Variants in CAPN8 observed in about 807,000 individuals in gnomAD.
CAPN8 encodes the protein calpain 8.
CAPN8 carries 87 observed loss-of-function variants against 80.9 expected under a neutral mutation model. The ratio of observed to expected loss-of-function variants is 1.07; its 90% CI spans 0.90 to 1.28. CAPN8 has a LOEUF of 1.28. Among genes scored for constraint, CAPN8 ranks in the 50% most tolerant of loss-of-function variants. The pLI is 0.00. For synonymous variants in CAPN8, 299 were observed against 273.8 expected, an observed-to-expected ratio of 1.09 and a Z score of -0.91; for missense variants, 757 against 702.0, an observed-to-expected ratio of 1.08 and a Z score of -0.89.
chr1:223,645,074 C>T (rs1658152293), intron 2 of CAPN8, among the ~76,000 whole-genome samples: 1 of 152,182 alleles, frequency 6.6e-6, no homozygotes, highest in African/African-American at 2.4e-5. Context: ...ACAGCGCAGC[C>T]TTCAGTCTGT....
intron 2 of CAPN8, among the ~76,000 whole-genome samples, chr1:223,646,501 C>T (rs1658196348): frequency 6.6e-6 from 1 of 152,206 alleles, no homozygotes; most frequent in African/African-American, 2.4e-5. Context: ...CGCCAGCCTG[C>T]CTCCACCTTT....
intron 1 of CAPN8, 74 bp downstream of exon 1, chr1:223,665,336 C>T (rs1417801686): frequency 4.9e-6 from 6 of 1,217,888 alleles, no homozygotes; most frequent in Non-Finnish European, 7.0e-6. Flanking sequence ...CTCAACTTCT[C>T]CCTCAGTTCC....
At chr1:223,657,518 G>A (rs1301441218) in intron 1 of CAPN8, among the ~76,000 whole-genome samples, 1 of 152,172 alleles carries the variant, frequency 6.6e-6, no homozygotes, top group Non-Finnish European at 1.5e-5. Context: ...TGTAATCCCA[G>A]CACTTTGAGA....
At chr1:223,643,816 C>T (rs187051339) in intron 2 of CAPN8, among the ~76,000 whole-genome samples, 1 of 152,180 alleles carries the variant, frequency 6.6e-6, no homozygotes, top group Non-Finnish European at 1.5e-5. Context: ...ATAATTCAGG[C>T]CCGGTGGGGG....
intron 1 of CAPN8, among the ~76,000 whole-genome samples, chr1:223,659,929 C>T (rs1182210364): frequency 6.6e-6 from 1 of 152,206 alleles, no homozygotes; most frequent in African/African-American, 2.4e-5. Flanking sequence ...CAGCTGTCCA[C>T]TTGTCCGTAT....
intron 13 of CAPN8, among the ~76,000 whole-genome samples, chr1:223,556,823 T>C (rs1185776616): frequency 6.6e-6 from 1 of 152,178 alleles, no homozygotes; most frequent in Non-Finnish European, 1.5e-5. Flanking sequence ...TACTCTACAC[T>C]GGCAAACCGC....
chr1:223,625,081 A>G (rs1034638209), intron 6 of CAPN8, among the ~76,000 whole-genome samples: 3 of 152,234 alleles, frequency 2.0e-5, no homozygotes, highest in Non-Finnish European at 2.9e-5. Flanking sequence ...CGACAGAGCG[A>G]GACTCCGTCT....
At chr1:223,658,670 G>A (rs1397215142) in intron 1 of CAPN8, among the ~76,000 whole-genome samples, 1 of 152,170 alleles carries the variant, frequency 6.6e-6, no homozygotes, top group Non-Finnish European at 1.5e-5. Context: ...GCCAGGCATG[G>A]TGGTGTGCAC....
At chr1:223,653,014 T>C (rs1658382094) in intron 2 of CAPN8, among the ~76,000 whole-genome samples, 2 of 151,934 alleles carry the variant, frequency 1.3e-5, no homozygotes. Flanking sequence ...ATTAAATACC[T>C]TTCCCAAAGT....
At position 223,553,843 on chromosome 1, in the gene CAPN8, A is replaced by G. The variant is rs1307928746; in HGVS notation, c.1630T>C (p.Leu544=). ...DDQFRRLFEK[L]AGKDSEITAN... ...CGCCCTCCACTCACCTTCCCTGCCA[A>G]CTTCTCAAACAGCCTCCTGAACTGG... Residue 544 remains leucine (L), a synonymous_variant, in exon 14 of 21, where the codon TTG becomes CTG. Coordinates refer to ENST00000366872, the MANE Select transcript of CAPN8 (RefSeq NM_001143962.2). 2 of 398,568 alleles carry G rather than the reference A, an allele frequency of 5.0e-6. No individual in the cohort carries two copies. Among genetic ancestry groups the G allele is most frequent in the African/African-American group, 2.1e-5 (1 of 48,622 alleles). The allele number at this position is 398,568 out of a possible 1,614,324, so 24.7% of individuals were successfully genotyped here.
At chr1:223,611,147 A>T (rs370843710) in intron 11 of CAPN8, among the ~76,000 whole-genome samples, 2 of 152,184 alleles carry the variant, frequency 1.3e-5, no homozygotes, top group African/African-American at 2.4e-5. Flanking sequence ...GGCATTTCTG[A>T]TGGGAACCAC....
chr1:223,648,583 G>T (rs148109819), intron 2 of CAPN8, among the ~76,000 whole-genome samples: 1 of 152,206 alleles, frequency 6.6e-6, no homozygotes, highest in Non-Finnish European at 1.5e-5. Flanking sequence ...CTCGCTCCAT[G>T]GGGGAGCGTG....
At chr1:223,542,624 T>G (rs112577902) in intron 20 of CAPN8, among the ~76,000 whole-genome samples, 1,875 of 152,310 alleles carry the variant, frequency 0.012, 40 homozygotes, top group African/African-American at 0.042. Flanking sequence ...TAAAGGCCTC[T>G]GTCGTACAGG....
At chr1:223,545,517 G>A (rs1187128978) in intron 16 of CAPN8, 3 of 681,216 alleles carry the variant, frequency 4.4e-6, no homozygotes, top group Non-Finnish European at 7.2e-6. Flanking sequence ...CACAGAGCTA[G>A]GAACAAAGGG....
At chr1:223,648,535 C>T (rs6693911) in intron 2 of CAPN8, among the ~76,000 whole-genome samples, 32,025 of 152,160 alleles carry the variant, frequency 0.21, 4,041 homozygotes, top group South Asian at 0.31. Context: ...TACTGACTAG[C>T]GGTGTGCATG....
intron 1 of CAPN8, among the ~76,000 whole-genome samples, chr1:223,664,197 C>T (rs1017718680): frequency 1.4e-4 from 21 of 152,152 alleles, no homozygotes; most frequent in African/African-American, 4.6e-4. Context: ...TATCAGTAAC[C>T]GCATCCAGGA....
At chr1:223,654,258 T>A (rs1658418224) in intron 2 of CAPN8, 72 bp downstream of exon 2, 4 of 1,310,752 alleles carry the variant, frequency 3.1e-6, no homozygotes, top group Middle Eastern at 3.6e-4. Context: ...CACAGCTTCA[T>A]CTGATGTTTA....
intron 2 of CAPN8, chr1:223,642,678 C>T (rs1658076577): frequency 2.5e-6 from 1 of 397,838 alleles, no homozygotes; most frequent in Non-Finnish European, 4.9e-6. Context: ...CCATTTTTGC[C>T]TTACCTTCTA....
At chr1:223,542,811 C>G (rs1656505047) in intron 20 of CAPN8, among the ~76,000 whole-genome samples, 1 of 152,148 alleles carries the variant, frequency 6.6e-6, no homozygotes, top group African/African-American at 2.4e-5. Flanking sequence ...AAGCCAGACA[C>G]TTTATATTGT....
Sources: gnomAD v4.1 joint callset for allele counts (sites outside exome capture counted in the v4.1 genomes callset) on GRCh38, gnomAD v4.1.1 for gene constraint, MANE v1.5 for transcripts, NCBI Gene and HGNC (gene_info 2026-07-23, HGNC 2026-07-21) for gene names.